ATP10A: variants seen among roughly 807,000 people sequenced by gnomAD.
The protein encoded by ATP10A is phospholipid-transporting ATPase VA.
ATP10A carries 111 observed loss-of-function variants against 147.8 expected under a neutral mutation model. The observed-to-expected ratio is 0.75, with a 90% CI of 0.64 to 0.88. The LOEUF (loss-of-function observed/expected upper bound fraction) is 0.88. ATP10A is among the 40% of genes least tolerant of loss of function. The probability of loss-of-function intolerance (pLI) is 0.00; values close to 1 mark genes in which losing one functional copy is unlikely to be tolerated. For missense variants in ATP10A, 1,927 were observed against 1,959.0 expected (o/e 0.98, Z 0.31); for synonymous variants, 875 against 841.6 (o/e 1.04, Z -0.69).
chr15:25,861,992 G>A, intron 1 of ATP10A: 1 of 325,942 alleles, frequency 3.1e-6, no homozygotes, highest in Non-Finnish European at 6.0e-6. Context: ...CCGTGGCAGG[G>A]CTCACAAACA....
chr15:25,690,312 T>G (rs1184315098), intron 15 of ATP10A, among the ~76,000 whole-genome samples: 1 of 151,054 alleles, frequency 6.6e-6, no homozygotes, highest in Admixed American at 6.6e-5. Flanking sequence ...GGTGCAATCA[T>G]AGTTCACTTC....
At chr15:25,810,843 AAGC>A (rs1167558098) in intron 1 of ATP10A, among the ~76,000 whole-genome samples, 1 of 152,078 alleles carries the variant, frequency 6.6e-6, no homozygotes, top group Non-Finnish European at 1.5e-5. Flanking sequence ...GCCAAGACCC[AAGC>A]ACCATCAACT....
At chr15:25,778,507 A>AAG (rs59282457) in intron 2 of ATP10A, among the ~76,000 whole-genome samples, 3 of 151,154 alleles carry the variant, frequency 2.0e-5, no homozygotes, top group African/African-American at 7.3e-5. Flanking sequence ...AAAAAAAAAA[A>AAG]CCCAGAAAGT....
At chr15:25,695,668 C>T (rs980822020) in intron 13 of ATP10A, among the ~76,000 whole-genome samples, 2 of 151,902 alleles carry the variant, frequency 1.3e-5, no homozygotes, top group African/African-American at 4.8e-5. Context: ...TCTCTAAGAT[C>T]TTACTTGATC....
intron 2 of ATP10A, among the ~76,000 whole-genome samples, chr15:25,777,781 T>TG (rs1889691125): frequency 8.4e-6 from 1 of 119,464 alleles, no homozygotes; most frequent in Non-Finnish European, 1.9e-5. Context: ...TTTCTTTCTT[T>TG]CTTTTTTTTT....
At chr15:25,779,957 C>T (rs1029403781) in intron 2 of ATP10A, among the ~76,000 whole-genome samples, 4 of 152,098 alleles carry the variant, frequency 2.6e-5, no homozygotes, top group East Asian at 1.9e-4. Flanking sequence ...GCAGGCAGGC[C>T]GGGCGGGCGA....
chr15:25,800,214 A>G (rs1165731168), intron 1 of ATP10A, among the ~76,000 whole-genome samples: 2 of 152,200 alleles, frequency 1.3e-5, no homozygotes, highest in African/African-American at 4.8e-5. Context: ...AAACATTGAC[A>G]TTTAAAATAA....
intron 2 of ATP10A, among the ~76,000 whole-genome samples, chr15:25,749,019 C>T (rs72625122): frequency 0.073 from 10,307 of 141,238 alleles, 882 homozygotes; most frequent in Admixed American, 0.2. Flanking sequence ...GCCAAGATAG[C>T]ACCACTGTAC....
chr15:25,726,447 C>CTT (rs111819076), intron 4 of ATP10A, among the ~76,000 whole-genome samples: 67 of 142,098 alleles, frequency 4.7e-4, no homozygotes, highest in African/African-American at 1.5e-3. Flanking sequence ...TGCTTTTTTT[C>CTT]TTTTTTTTTT....
At chr15:25,780,869 G>GGTC (rs1889885504) in intron 2 of ATP10A, 150 bp downstream of exon 2, 4 of 771,464 alleles carry the variant, frequency 5.2e-6, no homozygotes, top group Admixed American at 2.8e-5. Context: ...GTAGGTCAGG[G>GGTC]GTCCTCTCAG....
chr15:25,851,328 T>C (rs1472126674), intron 1 of ATP10A, among the ~76,000 whole-genome samples: 1 of 152,038 alleles, frequency 6.6e-6, no homozygotes, highest in Admixed American at 6.6e-5. Flanking sequence ...GTGGCCTAGG[T>C]TGAGTTTCCT....
chr15:25,786,808 TGTA>T (rs1231196289), intron 1 of ATP10A, among the ~76,000 whole-genome samples: 34 of 148,104 alleles, frequency 2.3e-4, no homozygotes, highest in Admixed American at 3.4e-4. Context: ...TTTTTTTTTT[TGTA>T]TTTTTAGTAG....
Position 25,713,863 on chromosome 15 carries a change from G to A in ATP10A, c.2155C>T (p.His719Tyr), listed in dbSNP as rs1239734778. 1 of 1,613,776 alleles carries A rather than the reference G, an allele frequency of 6.2e-7. No homozygotes were observed. The highest frequency in any genetic ancestry group is 8.5e-7 in the Non-Finnish European group (1 of 1,180,050). Residue 719 changes from histidine to tyrosine, a missense_variant, in exon 10 of 21, where the codon CAC (histidine) becomes TAC (tyrosine). Physicochemically the swap from His to Tyr is moderately conservative, Grantham distance 83. Coordinates refer to ENST00000555815, the MANE Select transcript of ATP10A (RefSeq NM_024490.4). ...GGCAGCTCCACTGACACTTGGTCGT[G>A]CAGCCGCTCCACAAGCACGCAGTTG... ...AYNCVLVERL[H>Y]DQVSVELPHL...
intron 2 of ATP10A, among the ~76,000 whole-genome samples, chr15:25,767,362 C>T (rs1053691856): frequency 2.0e-5 from 3 of 152,146 alleles, no homozygotes; most frequent in Admixed American, 6.5e-5. Flanking sequence ...CGCCACATCC[C>T]GGACAGCGAG....
At chr15:25,680,453 G>A (rs1449815435) in intron 19 of ATP10A, 145 bp from the exon 20 acceptor site, 1 of 904,822 alleles carries the variant, frequency 1.1e-6, no homozygotes, top group African/African-American at 1.7e-5. Flanking sequence ...CGGGTAACCG[G>A]TGGGGCTCAA....
intron 1 of ATP10A, among the ~76,000 whole-genome samples, chr15:25,795,928 G>T (rs188657401): frequency 2.3e-3 from 353 of 152,138 alleles, no homozygotes; most frequent in Admixed American, 5.9e-3. Context: ...AAAAGAGCCT[G>T]GCACCCCCCT....
chr15:25,727,121 G>T, intron 4 of ATP10A, 39 bp downstream of exon 4: 1 of 1,422,290 alleles, frequency 7.0e-7, no homozygotes, highest in Non-Finnish European at 9.9e-7. Context: ...AGAACACAGC[G>T]CTGTCTGGCG....
chr15:25,862,094 C>T (rs1027443377), intron 1 of ATP10A: 10 of 332,752 alleles, frequency 3.0e-5, no homozygotes, highest in African/African-American at 6.6e-5. Flanking sequence ...GCTCATGGCT[C>T]ACAGTGGAGG....
intron 2 of ATP10A, among the ~76,000 whole-genome samples, chr15:25,743,674 A>T (rs1037626418): frequency 6.6e-6 from 1 of 152,192 alleles, no homozygotes; most frequent in Non-Finnish European, 1.5e-5. Flanking sequence ...AACAACAGTC[A>T]TTTGTTGTCT....
Sources: allele counts gnomAD v4.1 joint callset (sites outside exome capture counted in the v4.1 genomes callset), GRCh38; gene constraint gnomAD v4.1.1; transcripts MANE v1.5; gene names NCBI Gene and HGNC (gene_info 2026-07-23, HGNC 2026-07-21).